LSAMP: variants seen among roughly 807,000 people sequenced by gnomAD.
The protein encoded by LSAMP is limbic system associated membrane protein.
A neutral mutation model predicts 38.6 loss-of-function variants in LSAMP; 7 were observed. The ratio of observed to expected loss-of-function variants is 0.18; its 90% CI spans 0.10 to 0.34. The LOEUF (loss-of-function observed/expected upper bound fraction) is 0.34. Among genes scored for constraint, LSAMP ranks in the 10% least tolerant of loss-of-function variants. The pLI, the probability that LSAMP is intolerant of heterozygous loss-of-function variation, is 1.00. For synonymous variants in LSAMP, 154 were observed against 166.8 expected (o/e 0.92, Z 0.59); for missense variants, 313 against 420.0 (o/e 0.75, Z 2.23).
At chr3:116,102,050 CTACTT>C (rs1347722903) in intron 1 of LSAMP, among the ~76,000 whole-genome samples, 5 of 152,138 alleles carry the variant, frequency 3.3e-5, no homozygotes, top group Non-Finnish European at 7.4e-5. Context: ...TTTTCTTTCT[CTACTT>C]CATTTCACTG....
intron 3 of LSAMP, among the ~76,000 whole-genome samples, chr3:115,869,597 T>C (rs572930054): frequency 4.8e-4 from 73 of 152,260 alleles, no homozygotes; most frequent in African/African-American, 1.7e-3. Flanking sequence ...GATGTTCTAG[T>C]ACTTTACTTT....
chr3:115,932,590 C>T (rs1937597912), intron 3 of LSAMP, among the ~76,000 whole-genome samples: 1 of 152,092 alleles, frequency 6.6e-6, no homozygotes, highest in African/African-American at 2.4e-5. Context: ...AAGATGATCA[C>T]ATAGATTTTT....
intron 1 of LSAMP, among the ~76,000 whole-genome samples, chr3:116,116,558 A>T (rs1708751736): frequency 6.6e-6 from 1 of 150,898 alleles, no homozygotes; most frequent in South Asian, 2.1e-4. Context: ...AAAATACAAA[A>T]TACAAAAAAC....
intron 3 of LSAMP, among the ~76,000 whole-genome samples, chr3:115,980,126 C>T (rs1357326980): frequency 6.6e-6 from 1 of 151,928 alleles, no homozygotes; most frequent in Non-Finnish European, 1.5e-5. Context: ...GAGAGTTTAA[C>T]CTAGAATTGG....
At chr3:115,863,266 C>T (rs1037184280) in intron 3 of LSAMP, among the ~76,000 whole-genome samples, 1 of 152,152 alleles carries the variant, frequency 6.6e-6, no homozygotes, top group Non-Finnish European at 1.5e-5. Flanking sequence ...AGAAAGTCCA[C>T]AAGACTCTCT....
chr3:116,164,986 T>TA (rs1710014482), intron 1 of LSAMP, among the ~76,000 whole-genome samples: 1 of 152,030 alleles, frequency 6.6e-6, no homozygotes, highest in Non-Finnish European at 1.5e-5. Context: ...CCTCACTTGT[T>TA]ACTTTTTTAA....
intron 1 of LSAMP, among the ~76,000 whole-genome samples, chr3:116,247,881 TCTC>T (rs2046624452): frequency 6.6e-6 from 1 of 152,192 alleles, no homozygotes; most frequent in Admixed American, 6.5e-5. Context: ...ATCACTTACT[TCTC>T]CTCACCTAAA....
chr3:116,290,221 T>A (rs145103084), intron 1 of LSAMP, among the ~76,000 whole-genome samples: 1 of 152,308 alleles, frequency 6.6e-6, no homozygotes, highest in African/African-American at 2.4e-5. Flanking sequence ...ATTGGAGTAG[T>A]AGCATTTTAG....
chr3:116,147,962 A>G lies in LSAMP; in HGVS notation c.156-61406T>C, dbSNP rs1330704722. Among the ~76,000 whole-genome samples the G allele has an allele frequency of 2.7e-5, 4 of 150,302 alleles. No individual in the cohort carries two copies. In the South Asian group the frequency reaches 6.2e-4, roughly 23 times the overall value. On this transcript the variant is annotated intron_variant, in intron 1 of 6. Transcript: ENST00000490035. The stretch of plus-strand genomic sequence containing the variant: ...TTCACTTAATATGAATAAAACTAAT[A>G]TATACAATTTTTTTGTCCTTAGAAA...
At chr3:116,080,538 C>T (rs1707849461) in intron 2 of LSAMP, among the ~76,000 whole-genome samples, 1 of 152,160 alleles carries the variant, frequency 6.6e-6, no homozygotes, top group African/African-American at 2.4e-5. Flanking sequence ...ACTTGAAATC[C>T]TTTCTACAGG....
chr3:116,373,369 G>C (rs1258370195), intron 1 of LSAMP, among the ~76,000 whole-genome samples: 1 of 151,550 alleles, frequency 6.6e-6, no homozygotes, highest in Non-Finnish European at 1.5e-5. Context: ...GAGGTATATA[G>C]AGTACTCATA....
intron 1 of LSAMP, among the ~76,000 whole-genome samples, chr3:116,412,394 C>G (rs549194852): frequency 6.6e-6 from 1 of 152,170 alleles, no homozygotes; most frequent in African/African-American, 2.4e-5. Flanking sequence ...ACATCAAAGG[C>G]ATTATAAAAA....
At chr3:116,115,079 T>C (rs1708712334) in intron 1 of LSAMP, among the ~76,000 whole-genome samples, 1 of 152,266 alleles carries the variant, frequency 6.6e-6, no homozygotes, top group Admixed American at 6.5e-5. Context: ...ATGGAATTTT[T>C]AGTCTAGCTC....
intron 1 of LSAMP, among the ~76,000 whole-genome samples, chr3:116,135,595 G>A (rs774455184): frequency 4.6e-5 from 7 of 152,140 alleles, no homozygotes; most frequent in African/African-American, 7.2e-5. Flanking sequence ...TGCCTGACCA[G>A]TACATTCATC....
At chr3:116,070,300 A>T (rs1017700108) in intron 2 of LSAMP, among the ~76,000 whole-genome samples, 2 of 152,236 alleles carry the variant, frequency 1.3e-5, no homozygotes, top group Non-Finnish European at 2.9e-5. Context: ...AACTGAGATT[A>T]GCAGGACTTT....
chr3:115,965,384 C>G (rs921338892), intron 3 of LSAMP, among the ~76,000 whole-genome samples: 2 of 151,666 alleles, frequency 1.3e-5, no homozygotes, highest in African/African-American at 4.8e-5. Context: ...TCAATTCTAA[C>G]TCATTGAAAT....
At chr3:116,272,485 C>G (rs2046987433) in intron 1 of LSAMP, among the ~76,000 whole-genome samples, 1 of 152,132 alleles carries the variant, frequency 6.6e-6, no homozygotes, top group Admixed American at 6.6e-5. Context: ...TACAACTACT[C>G]AAATTGGTCA....
intron 1 of LSAMP, among the ~76,000 whole-genome samples, chr3:116,319,563 T>C (rs34126529): frequency 0.071 from 10,811 of 152,166 alleles, 505 homozygotes; most frequent in African/African-American, 0.12. Context: ...TCACCAATTT[T>C]CCCAGTTAAA....
At chr3:116,292,620 C>T (rs1381391744) in intron 1 of LSAMP, among the ~76,000 whole-genome samples, 2 of 152,188 alleles carry the variant, frequency 1.3e-5, no homozygotes, top group African/African-American at 4.8e-5. Flanking sequence ...TACAAATGTA[C>T]GATTTTGTTT....
Sources: allele counts gnomAD v4.1 joint callset (sites outside exome capture counted in the v4.1 genomes callset), GRCh38; gene constraint gnomAD v4.1.1; transcripts MANE v1.5; gene names NCBI Gene and HGNC (gene_info 2026-07-23, HGNC 2026-07-21).